The following APBA2 variants were observed in gnomAD, a reference collection of about 807,000 sequenced individuals.
APBA2 encodes amyloid-beta A4 precursor protein-binding family A member 2.
In APBA2, 30 loss-of-function variants were observed where a neutral mutation model predicts 75.0. That is an observed-to-expected ratio of 0.40 (90% CI 0.30 to 0.54). The LOEUF (loss-of-function observed/expected upper bound fraction) is 0.54. Among genes scored for constraint, APBA2 ranks in the 20% least tolerant of loss-of-function variants. APBA2 has a pLI of 0.49. For synonymous variants in APBA2, 444 were observed against 409.6 expected, an observed-to-expected ratio of 1.08 and a Z score of -1.01; for missense variants, 801 against 1,016.1, an observed-to-expected ratio of 0.79 and a Z score of 2.88.
chr15:28,907,444 T>C (rs574247182), intron 1 of APBA2, among the ~76,000 whole-genome samples: 8 of 152,302 alleles, frequency 5.3e-5, no homozygotes, highest in East Asian at 1.9e-4. Context: ...TTTTTCATTT[T>C]CCCCCTAACC....
chr15:29,115,991 C>G (rs1052957757), intron 14 of APBA2, among the ~76,000 whole-genome samples: 1 of 152,236 alleles, frequency 6.6e-6, no homozygotes, highest in Non-Finnish European at 1.5e-5. Flanking sequence ...AGGCCGCAGC[C>G]TAGCACAGTC....
At chr15:29,098,377 A>G (rs920806473) in intron 8 of APBA2, 113 bp from the exon 9 acceptor site, 34 of 765,332 alleles carry the variant, frequency 4.4e-5, no homozygotes, top group Middle Eastern at 2.3e-4. Context: ...TGTGGTTTTA[A>G]TTTGGATTTA....
intron 1 of APBA2, among the ~76,000 whole-genome samples, chr15:28,889,538 C>T (rs569773815): frequency 2.0e-5 from 3 of 152,338 alleles, no homozygotes; most frequent in South Asian, 2.1e-4. Context: ...CAAGAATGGC[C>T]CCTCCAGGCT....
At chr15:29,091,341 G>C (rs1010140492) in intron 6 of APBA2, among the ~76,000 whole-genome samples, 1 of 152,128 alleles carries the variant, frequency 6.6e-6, no homozygotes, top group Non-Finnish European at 1.5e-5. Flanking sequence ...GGGGCACGCA[G>C]ACCCACTACT....
chr15:29,022,130 G>A (rs1290311636), intron 3 of APBA2, among the ~76,000 whole-genome samples: 2 of 152,132 alleles, frequency 1.3e-5, no homozygotes, highest in Non-Finnish European at 1.5e-5. Flanking sequence ...CTGAAATACC[G>A]ATTTCAGTTC....
intron 2 of APBA2, among the ~76,000 whole-genome samples, chr15:28,940,374 A>T (rs1334903730): frequency 1.0e-3 from 151 of 147,714 alleles, no homozygotes; most frequent in Non-Finnish European, 3.3e-4. Context: ...AAAAAAAAAA[A>T]AAAAAAAAAA....
At chr15:29,011,826 T>C (rs890349850) in intron 3 of APBA2, among the ~76,000 whole-genome samples, 11 of 152,252 alleles carry the variant, frequency 7.2e-5, no homozygotes, top group Admixed American at 7.2e-4. Context: ...TTATAAATTT[T>C]GAGTGCATTT....
intron 2 of APBA2, among the ~76,000 whole-genome samples, chr15:28,979,659 C>A (rs1193946220): frequency 6.6e-6 from 1 of 152,196 alleles, no homozygotes; most frequent in Admixed American, 6.5e-5. Flanking sequence ...TGCCCCCGGC[C>A]CCGTGTGAGC....
At chr15:29,038,388 G>C (rs12441607) in intron 3 of APBA2, among the ~76,000 whole-genome samples, 1 of 152,126 alleles carries the variant, frequency 6.6e-6, no homozygotes, top group African/African-American at 2.4e-5. Context: ...GATTGAAACC[G>C]TAGGTCATCC....
chr15:28,973,357 T>C (rs1008362471), intron 2 of APBA2, among the ~76,000 whole-genome samples: 3 of 152,238 alleles, frequency 2.0e-5, no homozygotes, highest in African/African-American at 7.2e-5. Context: ...ACACATGAAA[T>C]ATTTTACTGA....
chr15:28,930,847 C>A (rs1405832171), intron 2 of APBA2, among the ~76,000 whole-genome samples: 1 of 152,204 alleles, frequency 6.6e-6, no homozygotes, highest in African/African-American at 2.4e-5. Context: ...TCCACCATGC[C>A]CCTCGGGAGT....
chr15:28,948,256 A>C (rs1285836128), intron 2 of APBA2, among the ~76,000 whole-genome samples: 1 of 152,220 alleles, frequency 6.6e-6, no homozygotes, highest in Non-Finnish European at 1.5e-5. Flanking sequence ...CTTTGGGCTG[A>C]GGCCACGGCG....
intron 14 of APBA2, 105 bp downstream of exon 14, chr15:29,114,121 C>T: frequency 6.5e-7 from 1 of 1,527,968 alleles, no homozygotes; most frequent in Non-Finnish European, 9.0e-7. Flanking sequence ...ATCTGAAGGT[C>T]AGCCAGGCTG....
chr15:28,927,569 C>G (rs1457537511), intron 2 of APBA2, among the ~76,000 whole-genome samples: 2 of 151,762 alleles, frequency 1.3e-5, no homozygotes, highest in Non-Finnish European at 1.5e-5. Flanking sequence ...TGTTCCCCTC[C>G]CCAACCCATT....
At position 29,117,329 on chromosome 15, in the gene APBA2, G is replaced by A. The variant is rs902030940; in HGVS notation, c.*196G>A. Reference sequence around the variant, plus strand: ...AGGGGTATGTCTTTATCAAAGGAGAGTCACAGAACAAATGTTTGTTTGTAA... The same window carrying A: ...AGGGGTATGTCTTTATCAAAGGAGAATCACAGAACAAATGTTTGTTTGTAA... On this transcript the variant is annotated 3_prime_UTR_variant, in exon 15 of 15. Transcript: ENST00000683413. 6 of 606,634 alleles carry A rather than the reference G, an allele frequency of 9.9e-6. No homozygotes were observed. The highest frequency in any genetic ancestry group is 2.9e-5 in the Admixed American group (1 of 34,704). The allele number at this position is 606,634 out of a possible 1,614,324, so 37.6% of individuals were successfully genotyped here.
rs2035238366 is a variant in APBA2, at chr15:28,941,718, A to G, written c.-95+19969A>G. Among the ~76,000 whole-genome samples the G allele has an allele frequency of 3.9e-5, 6 of 152,140 alleles. No homozygotes were observed. In the South Asian group the frequency reaches 1.2e-3, roughly 32 times the overall value. The stretch of plus-strand genomic sequence containing the variant: ...GGCCCCTCTTCTTCCCTGCCTGAGG[A>G]TTGTAAAGGTTGTTTCATAGCCGTT... On this transcript the variant is annotated intron_variant, in intron 2 of 14. Coordinates refer to ENST00000683413, the MANE Select transcript of APBA2 (RefSeq NM_001353788.2).
At chr15:28,949,278 A>G (rs969682206) in intron 2 of APBA2, among the ~76,000 whole-genome samples, 4 of 152,134 alleles carry the variant, frequency 2.6e-5, no homozygotes, top group Non-Finnish European at 4.4e-5. Flanking sequence ...AGGGAGAGGA[A>G]TACTTGCAAG....
chr15:28,979,792 A>G (rs1412795621), intron 2 of APBA2, among the ~76,000 whole-genome samples: 1 of 152,038 alleles, frequency 6.6e-6, no homozygotes, highest in Non-Finnish European at 1.5e-5. Context: ...CAGGTCACTT[A>G]CCTCTGGGTC....
chr15:28,899,108 G>T (rs922712829), intron 1 of APBA2, among the ~76,000 whole-genome samples: 1 of 152,256 alleles, frequency 6.6e-6, no homozygotes, highest in Admixed American at 6.5e-5. Context: ...GCAGTCGGGG[G>T]GAGATGTGGC....
Sources: allele counts gnomAD v4.1 joint callset (sites outside exome capture counted in the v4.1 genomes callset), GRCh38; gene constraint gnomAD v4.1.1; transcripts MANE v1.5; gene names NCBI Gene and HGNC (gene_info 2026-07-23, HGNC 2026-07-21).